Variants in TNIK observed in about 807,000 individuals in gnomAD.
The protein encoded by TNIK is TRAF2 and NCK-interacting protein kinase.
TNIK carries 49 observed loss-of-function variants against 191.3 expected under a neutral mutation model. The ratio of observed to expected loss-of-function variants is 0.26; its 90% CI spans 0.20 to 0.32. The LOEUF (loss-of-function observed/expected upper bound fraction) is 0.32. Ranked by LOEUF, TNIK falls within the 10% of genes least tolerant of loss-of-function variation. The pLI, the probability that TNIK is intolerant of heterozygous loss-of-function variation, is 1.00. For missense variants in TNIK, 1,155 were observed against 1,702.3 expected, an observed-to-expected ratio of 0.68 and a Z score of 5.66; for synonymous variants, 594 against 600.9, an observed-to-expected ratio of 0.99 and a Z score of 0.17.
intron 3 of TNIK, among the ~76,000 whole-genome samples, chr3:171,224,467 C>CAA (rs373039796): frequency 3.4e-5 from 5 of 146,554 alleles, no homozygotes; most frequent in African/African-American, 1.3e-4. Flanking sequence ...ACAGGGTTAT[C>CAA]AAAAAAAAAA....
At position 171,139,691 on chromosome 3, in the gene TNIK, C is replaced by T. The variant is rs1386694997; in HGVS notation, c.1333-135G>A. 9 of 740,766 alleles carry T rather than the reference C, an allele frequency of 1.2e-5. No homozygotes were observed. The Admixed American group carries it at 2.1e-4, about 18-fold the overall frequency. 45.9% of individuals were successfully genotyped at this position (740,766 alleles called of 1,614,324 possible). A position where few individuals can be genotyped will look rare whatever the true frequency, so the allele number is the denominator to read the frequency against. On this transcript the variant is annotated intron_variant, in intron 13 of 32. Transcript: ENST00000436636. ...GGAAAAATACCCAAATACCTTCTTACAAAGCAGGAAGAGTATGTCACATGG... is the reference window on the plus strand; with the variant it reads ...GGAAAAATACCCAAATACCTTCTTATAAAGCAGGAAGAGTATGTCACATGG...
intron 26 of TNIK, 186 bp from the exon 27 acceptor site, chr3:171,082,580 A>T (rs572180531): frequency 4.0e-5 from 28 of 694,658 alleles, no homozygotes; most frequent in Non-Finnish European, 6.0e-5. Flanking sequence ...CTGGTAATGA[A>T]ATTACAGTTT....
intron 2 of TNIK, among the ~76,000 whole-genome samples, chr3:171,338,635 T>C (rs893210606): frequency 1.3e-5 from 2 of 151,600 alleles, no homozygotes; most frequent in Non-Finnish European, 2.9e-5. Flanking sequence ...ACTACAGGCA[T>C]GTACCACCAT....
chr3:171,206,166 T>C (rs991781214), intron 4 of TNIK, among the ~76,000 whole-genome samples: 1 of 152,046 alleles, frequency 6.6e-6, no homozygotes, highest in Non-Finnish European at 1.5e-5. Context: ...TTTCATAAAT[T>C]TTGTTCACTG....
intron 2 of TNIK, among the ~76,000 whole-genome samples, chr3:171,350,915 CATA>C (rs1713064242): frequency 6.6e-6 from 1 of 152,120 alleles, no homozygotes; most frequent in Non-Finnish European, 1.5e-5. Flanking sequence ...TGCTGCTTCC[CATA>C]ATAATAACAC....
intron 3 of TNIK, among the ~76,000 whole-genome samples, chr3:171,211,647 G>T (rs546221302): frequency 1.3e-5 from 2 of 152,238 alleles, no homozygotes; most frequent in African/African-American, 4.8e-5. Flanking sequence ...AACCGTGGGC[G>T]CTCAGATTTA....
At chr3:171,185,303 G>T (rs1737227857) in intron 7 of TNIK, among the ~76,000 whole-genome samples, 1 of 151,836 alleles carries the variant, frequency 6.6e-6, no homozygotes, top group Non-Finnish European at 1.5e-5. Flanking sequence ...GGGTGGTTCT[G>T]TTAAAGTAAT....
At chr3:171,119,931 A>G (rs1348186950) in intron 18 of TNIK, among the ~76,000 whole-genome samples, 1 of 152,220 alleles carries the variant, frequency 6.6e-6, no homozygotes, top group Non-Finnish European at 1.5e-5. Context: ...CATGTACCCT[A>G]AAACTTAAAG....
intron 12 of TNIK, among the ~76,000 whole-genome samples, chr3:171,156,826 C>A (rs1733246301): frequency 6.6e-6 from 1 of 152,230 alleles, no homozygotes; most frequent in Non-Finnish European, 1.5e-5. Flanking sequence ...GTGAAACATT[C>A]TTCCTAGCAT....
intron 2 of TNIK, among the ~76,000 whole-genome samples, chr3:171,243,692 C>T (rs1053042811): frequency 2.6e-5 from 4 of 152,262 alleles, no homozygotes; most frequent in Non-Finnish European, 5.9e-5. Flanking sequence ...AATTTAGCTT[C>T]ATTTTTAATG....
intron 2 of TNIK, among the ~76,000 whole-genome samples, chr3:171,335,846 G>A (rs1370718044): frequency 6.6e-6 from 1 of 152,132 alleles, no homozygotes; most frequent in African/African-American, 2.4e-5. Flanking sequence ...CTATGAAAGT[G>A]CTTTCTAAAG....
chr3:171,066,103 A>C lies in TNIK; in HGVS notation c.3999+84T>G, dbSNP rs1718404402. The C allele has an allele frequency of 2.0e-6, 3 of 1,524,288 alleles. No individual in the cohort carries two copies. In the Admixed American group the frequency reaches 5.4e-5, roughly 28 times the overall value. The allele number at this position is 1,524,288 out of a possible 1,614,324, so 94.4% of individuals were successfully genotyped here. A position where few individuals can be genotyped will look rare whatever the true frequency, so the allele number is the denominator to read the frequency against. On this transcript the variant is annotated intron_variant, in intron 32 of 32. Coordinates refer to ENST00000436636, the MANE Select transcript of TNIK (RefSeq NM_015028.4). ...GTTTAACACAGATGTGATTCAAATC[A>C]GTATAAAGGAAAATGAAGGTTTCAC...
intron 3 of TNIK, among the ~76,000 whole-genome samples, chr3:171,225,095 G>A (rs1278820261): frequency 6.6e-6 from 1 of 152,114 alleles, no homozygotes; most frequent in Non-Finnish European, 1.5e-5. Context: ...TAACAAAGAC[G>A]ACCTTTGAGA....
chr3:171,459,925 A>ACCCCCAC, intron 1 of TNIK, 82 bp downstream of exon 1: 3 of 494,220 alleles, frequency 6.1e-6, no homozygotes, highest in Non-Finnish European at 1.1e-5. Flanking sequence ...CCCCTGCCCC[A>ACCCCCAC]GCCCCAGCCC....
intron 2 of TNIK, among the ~76,000 whole-genome samples, chr3:171,288,923 T>C (rs1751365073): frequency 6.6e-6 from 1 of 151,910 alleles, no homozygotes; most frequent in South Asian, 2.1e-4. Context: ...GAAATCTTTT[T>C]GAAAAAAAAC....
At chr3:171,378,196 C>A (rs1717530252) in intron 1 of TNIK, among the ~76,000 whole-genome samples, 1 of 152,164 alleles carries the variant, frequency 6.6e-6, no homozygotes, top group Non-Finnish European at 1.5e-5. Context: ...TTTTTTCCTA[C>A]TTTGCCATTA....
chr3:171,371,660 A>T (rs960304933), intron 1 of TNIK, among the ~76,000 whole-genome samples: 1 of 152,208 alleles, frequency 6.6e-6, no homozygotes, highest in Non-Finnish European at 1.5e-5. Context: ...AGAAGACACC[A>T]TCAAGGCCAC....
intron 1 of TNIK, among the ~76,000 whole-genome samples, chr3:171,376,532 G>A (rs1717238975): frequency 6.6e-6 from 1 of 152,068 alleles, no homozygotes; most frequent in African/African-American, 2.4e-5. Flanking sequence ...AAGGAAGGAA[G>A]CAGACATGAG....
intron 4 of TNIK, among the ~76,000 whole-genome samples, chr3:171,209,888 CA>C (rs1288527560): frequency 4.6e-5 from 7 of 152,202 alleles, no homozygotes; most frequent in Admixed American, 2.6e-4. Flanking sequence ...CTGTCTTCCC[CA>C]CTGGATTGGA....
Sources: allele counts gnomAD v4.1 joint callset (sites outside exome capture counted in the v4.1 genomes callset), GRCh38; gene constraint gnomAD v4.1.1; transcripts MANE v1.5; gene names NCBI Gene and HGNC (gene_info 2026-07-23, HGNC 2026-07-21).